Variants in SPAG16 observed in about 807,000 individuals in gnomAD.
SPAG16 encodes sperm-associated antigen 16 protein.
Under a neutral mutation model 80.4 loss-of-function variants are expected in SPAG16, and 86 were observed. The ratio of observed to expected loss-of-function variants is 1.07; its 90% confidence interval spans 0.90 to 1.28. The LOEUF (loss-of-function observed/expected upper bound fraction) is 1.28. Among genes scored for constraint, SPAG16 ranks in the 50% most tolerant of loss-of-function variants. The pLI, the probability that SPAG16 is intolerant of heterozygous loss-of-function variation, is 0.00. For missense variants in SPAG16, 870 were observed against 765.3 expected (o/e 1.14, Z -1.61); for synonymous variants, 294 against 265.9 (o/e 1.11, Z -1.03).
At chr2:213,928,452 C>T (rs373533526) in intron 11 of SPAG16, among the ~76,000 whole-genome samples, 4 of 152,084 alleles carry the variant, frequency 2.6e-5, no homozygotes, top group East Asian at 3.9e-4. Flanking sequence ...CACCTTCTCT[C>T]CAGAAACTTC....
At chr2:213,434,538 C>A (rs1313992871) in intron 9 of SPAG16, among the ~76,000 whole-genome samples, 1 of 152,152 alleles carries the variant, frequency 6.6e-6, no homozygotes, top group Non-Finnish European at 1.5e-5. Flanking sequence ...AGACAACTTG[C>A]AGAATAGGAG....
intron 10 of SPAG16, among the ~76,000 whole-genome samples, chr2:213,601,548 G>T (rs1464380506): frequency 6.6e-6 from 1 of 151,618 alleles, no homozygotes; most frequent in East Asian, 1.9e-4. Context: ...AACATGAATG[G>T]TTCCCATTAA....
At chr2:213,647,406 C>T (rs1424640775) in intron 10 of SPAG16, among the ~76,000 whole-genome samples, 1 of 152,146 alleles carries the variant, frequency 6.6e-6, no homozygotes, top group Non-Finnish European at 1.5e-5. Flanking sequence ...CTTCTTTCAC[C>T]TTTCTTTTGA....
chr2:213,946,389 AGG>A (rs2079472853), intron 12 of SPAG16, among the ~76,000 whole-genome samples: 51 of 152,188 alleles, frequency 3.4e-4, no homozygotes, highest in African/African-American at 9.4e-4. Flanking sequence ...CTGGGATTAC[AGG>A]CGTGAGCCAC....
chr2:213,959,597 C>G (rs1048660110), intron 12 of SPAG16, among the ~76,000 whole-genome samples: 1 of 152,116 alleles, frequency 6.6e-6, no homozygotes, highest in Non-Finnish European at 1.5e-5. Context: ...TCACAGGAAA[C>G]CCTAAGGAAT....
At chr2:214,281,479 G>A (rs181653924) in intron 15 of SPAG16, 182 of 161,588 alleles carry the variant, frequency 1.1e-3, no homozygotes, top group Non-Finnish European at 1.5e-3. Flanking sequence ...CCACGTCTGC[G>A]GCTTGGCAGA....
In SPAG16 at chr2:213,603,902, A is replaced by G. The variant is rs555550468; in HGVS notation, c.1070+113812A>G. ...TTTCTTTTCTCTTTCCGTATTATCCATCTCTTACCCAAAGACTTCCTGGTT... is the reference window on the plus strand; with the variant it reads ...TTTCTTTTCTCTTTCCGTATTATCCGTCTCTTACCCAAAGACTTCCTGGTT... On this transcript the variant is annotated intron_variant, in intron 10 of 15. Coordinates refer to ENST00000331683, the MANE Select transcript of SPAG16 (RefSeq NM_024532.5). Among the ~76,000 whole-genome samples, 19 of 148,458 alleles carry G rather than the reference A, an allele frequency of 1.3e-4. No individual in the cohort carries two copies. The East Asian group carries it at 1.4e-3, about 11-fold the overall frequency.
At position 213,366,555 on chromosome 2, in the gene SPAG16, C is replaced by CT. The variant is rs570616556; in HGVS notation, c.832+2413dup. Among the ~76,000 whole-genome samples, 32 of 152,246 alleles carry CT rather than the reference C, an allele frequency of 2.1e-4. No homozygotes were observed. In the East Asian group the frequency reaches 6.0e-3, roughly 28 times the overall value. ...AGAGAGAGTTTGCAGAGGAACTGCC[C>CT]TTTATAAAACCATCAGATCTTGTGA... On this transcript the variant is annotated intron_variant, in intron 8 of 15. Coordinates refer to ENST00000331683, the MANE Select transcript of SPAG16 (RefSeq NM_024532.5).
intron 12 of SPAG16, among the ~76,000 whole-genome samples, chr2:213,996,463 T>G (rs2046519199): frequency 6.6e-6 from 1 of 152,100 alleles, no homozygotes; most frequent in Non-Finnish European, 1.5e-5. Context: ...GTAGCCACTG[T>G]ACTCAGTTAT....
At chr2:214,154,660 G>A in intron 15 of SPAG16, among the ~76,000 whole-genome samples, 1 of 152,066 alleles carries the variant, frequency 6.6e-6, no homozygotes, top group East Asian at 1.9e-4. Flanking sequence ...TAGTGTAAGG[G>A]AGAGAACATT....
At chr2:214,248,318 TA>T (rs1690006213) in intron 15 of SPAG16, among the ~76,000 whole-genome samples, 4 of 107,734 alleles carry the variant, frequency 3.7e-5, no homozygotes, top group African/African-American at 1.4e-4. Context: ...TTATTATTAT[TA>T]TTATTATTAT....
At chr2:213,745,333 C>T (rs531361094) in intron 10 of SPAG16, among the ~76,000 whole-genome samples, 1 of 152,260 alleles carries the variant, frequency 6.6e-6, no homozygotes, top group East Asian at 1.9e-4. Flanking sequence ...ACCTCTGCCT[C>T]CCGGGTTCAA....
At chr2:213,522,779 G>GC (rs2075727213) in intron 10 of SPAG16, among the ~76,000 whole-genome samples, 1 of 147,928 alleles carries the variant, frequency 6.8e-6, no homozygotes, top group Non-Finnish European at 1.5e-5. Flanking sequence ...ATTCTAAAAT[G>GC]CCCAAAACTT....
chr2:213,531,042 T>TG (rs1296394605), intron 10 of SPAG16, among the ~76,000 whole-genome samples: 1 of 152,196 alleles, frequency 6.6e-6, no homozygotes, highest in Non-Finnish European at 1.5e-5. Context: ...CCTCTTGAGC[T>TG]ATATCCTTTT....
intron 15 of SPAG16, among the ~76,000 whole-genome samples, chr2:214,208,586 G>C (rs2058209527): frequency 6.6e-6 from 1 of 152,124 alleles, no homozygotes; most frequent in African/African-American, 2.4e-5. Flanking sequence ...ATTGGCTCTA[G>C]AGCTAGAATG....
rs182188228 is a variant in SPAG16, at chr2:213,331,393, A to G, written c.537-8770A>G. On this transcript the variant is annotated intron_variant, in intron 5 of 15. Coordinates refer to ENST00000331683, the MANE Select transcript of SPAG16 (RefSeq NM_024532.5). Reference sequence around the variant, plus strand: ...GCAGTCAGTTCAGCAAGAGGATATAACAATTGTAAATATATATGCACCCAA... The same window carrying G: ...GCAGTCAGTTCAGCAAGAGGATATAGCAATTGTAAATATATATGCACCCAA... Among the ~76,000 whole-genome samples, 256 of 152,360 alleles carry G rather than the reference A, an allele frequency of 1.7e-3. 1 individual carries two copies. Among genetic ancestry groups the G allele is most frequent in the African/African-American group, 5.8e-3 (240 of 41,584 alleles).
chr2:214,298,279 A>G (rs2125945970), intron 15 of SPAG16, among the ~76,000 whole-genome samples: 1 of 152,094 alleles, frequency 6.6e-6, no homozygotes, highest in East Asian at 1.9e-4. Flanking sequence ...TTTTTTGTAC[A>G]TTGATTTTTG....
At chr2:214,153,696 TAAAAG>T (rs1271077625) in intron 15 of SPAG16, among the ~76,000 whole-genome samples, 2 of 152,058 alleles carry the variant, frequency 1.3e-5, no homozygotes, top group Non-Finnish European at 2.9e-5. Context: ...AAACAAATAA[TAAAAG>T]AAACAAGGAT....
chr2:213,892,526 TG>T (rs1376129112), intron 11 of SPAG16, among the ~76,000 whole-genome samples: 22 of 152,098 alleles, frequency 1.4e-4, no homozygotes, highest in Admixed American at 1.0e-3. Flanking sequence ...GAATTCAAAA[TG>T]GTAGTTTTAA....
Sources: allele counts gnomAD v4.1 joint callset (sites outside exome capture counted in the v4.1 genomes callset), GRCh38; gene constraint gnomAD v4.1.1; transcripts MANE v1.5; gene names NCBI Gene and HGNC (gene_info 2026-07-23, HGNC 2026-07-21).